The following SKAP2 variants were observed in gnomAD, a reference collection of about 807,000 sequenced individuals.
SKAP2 encodes src kinase-associated phosphoprotein 2.
A neutral mutation model predicts 54.9 loss-of-function variants in SKAP2; 28 were observed. That is an observed-to-expected ratio of 0.51 (90% CI 0.38 to 0.70). The LOEUF is 0.70. SKAP2 is among the 30% of genes least tolerant of loss of function. The pLI is 0.00. For synonymous variants in SKAP2, 137 were observed against 134.3 expected (o/e 1.02, Z -0.14); for missense variants, 356 against 424.1 (o/e 0.84, Z 1.41).
the SKAP2 span, among the ~76,000 whole-genome samples, chr7:26,660,961 G>A: frequency 6.6e-6 from 1 of 151,834 alleles, no homozygotes; most frequent in African/African-American, 2.4e-5. Flanking sequence ...TGCTAGACTA[G>A]AAAATGGAAT....
chr7:26,656,557 T>C, the SKAP2 span, among the ~76,000 whole-genome samples: 1 of 152,238 alleles, frequency 6.6e-6, no homozygotes, highest in Non-Finnish European at 1.5e-5. Flanking sequence ...GTTATACAGA[T>C]GTGCAGATCA....
chr7:26,785,895 A>G lies in SKAP2; in HGVS notation c.308-45931T>C, dbSNP rs530449987. Among the ~76,000 whole-genome samples the G allele has an allele frequency of 2.6e-5, 4 of 152,336 alleles. No homozygotes were observed. The East Asian group carries it at 7.7e-4, about 29-fold the overall frequency. On this transcript the variant is annotated intron_variant, in intron 4 of 12. Coordinates refer to ENST00000345317, the MANE Select transcript of SKAP2 (RefSeq NM_003930.5). ...ATCTACCATAAGACAGAGCCATTGA[A>G]GAGGCCCATACAGGCCCTGGGAGCA...
At chr7:26,849,553 T>C (rs1784995703) in intron 3 of SKAP2, among the ~76,000 whole-genome samples, 1 of 151,716 alleles carries the variant, frequency 6.6e-6, no homozygotes, top group Non-Finnish European at 1.5e-5. Flanking sequence ...GGCGTGGTGG[T>C]GGATGCCTGT....
chr7:26,849,378 T>C (rs1204652097), intron 3 of SKAP2, among the ~76,000 whole-genome samples: 1 of 152,086 alleles, frequency 6.6e-6, no homozygotes, highest in African/African-American at 2.4e-5. Flanking sequence ...AAGCAGTATA[T>C]TCCCCTTTTT....
intron 11 of SKAP2, among the ~76,000 whole-genome samples, chr7:26,678,005 T>C (rs1234216957): frequency 6.6e-6 from 1 of 152,150 alleles, no homozygotes; most frequent in Non-Finnish European, 1.5e-5. Context: ...CGTAGCAAAG[T>C]AGAAAGAGAA....
At chr7:26,698,689 T>TATACATGGAACACCATTTTTAC (rs1288007694) in intron 9 of SKAP2, among the ~76,000 whole-genome samples, 1 of 152,230 alleles carries the variant, frequency 6.6e-6, no homozygotes, top group Non-Finnish European at 1.5e-5. Flanking sequence ...GCCATTTTTT[T>TATACATGGAACACCATTTTTAC]ATTCATGGAA....
chr7:26,706,874 T>G (rs757960761), intron 9 of SKAP2, among the ~76,000 whole-genome samples: 6 of 152,236 alleles, frequency 3.9e-5, no homozygotes, highest in Non-Finnish European at 7.3e-5. Flanking sequence ...TCTTAGCTTA[T>G]AAAACCAAAG....
At position 26,667,209 on chromosome 7, in the gene SKAP2, C is replaced by A. The variant is rs898026068; in HGVS notation, c.*2457G>T. 1 of 151,964 alleles carries A rather than the reference C, an allele frequency of 6.6e-6. No individual in the cohort carries two copies. The highest frequency in any genetic ancestry group is 1.5e-5 in the Non-Finnish European group (1 of 67,968). 9.4% of individuals were successfully genotyped at this position (151,964 alleles called of 1,614,324 possible). ...CTATATAAAATATGACTTACAATCA[C>A]CTTTGAAAAAAATTAGCTCTCTAAC... On this transcript the variant is annotated 3_prime_UTR_variant, in exon 13 of 13. Coordinates refer to ENST00000345317, the MANE Select transcript of SKAP2 (RefSeq NM_003930.5).
intron 4 of SKAP2, among the ~76,000 whole-genome samples, chr7:26,771,803 A>T (rs1783195801): frequency 6.6e-6 from 1 of 152,202 alleles, no homozygotes; most frequent in African/African-American, 2.4e-5. Context: ...GTAAAAGCTG[A>T]TGCACTTTTA....
At chr7:26,776,209 C>T (rs1168932755) in intron 4 of SKAP2, among the ~76,000 whole-genome samples, 2 of 152,042 alleles carry the variant, frequency 1.3e-5, no homozygotes, top group African/African-American at 2.4e-5. Context: ...CCCTTATCCC[C>T]GTCCTTAATG....
At chr7:26,763,252 A>C (rs767336605) in intron 4 of SKAP2, among the ~76,000 whole-genome samples, 5 of 152,188 alleles carry the variant, frequency 3.3e-5, no homozygotes, top group Non-Finnish European at 7.3e-5. Context: ...TTTACAAAGG[A>C]AAATAAGTGC....
At chr7:26,722,815 G>A (rs1224570152) in intron 9 of SKAP2, among the ~76,000 whole-genome samples, 1 of 152,068 alleles carries the variant, frequency 6.6e-6, no homozygotes, top group African/African-American at 2.4e-5. Context: ...AAGAGCTTTC[G>A]TTTCTCAGAA....
At position 26,775,056 on chromosome 7, in the gene SKAP2, C is replaced by A. The variant is rs75395261; in HGVS notation, c.308-35092G>T. ...AAATTAATCTGCAATTATTAGGGTC[C>A]TTTTTTGTGAATCTTAAGAGATTTA... On this transcript the variant is annotated intron_variant, in intron 4 of 12. Coordinates refer to ENST00000345317, the MANE Select transcript of SKAP2 (RefSeq NM_003930.5). Among the ~76,000 whole-genome samples, 263 of 152,268 alleles carry A rather than the reference C, an allele frequency of 1.7e-3. 2 individuals carry two copies. The highest frequency in any genetic ancestry group is 4.4e-3 in the Admixed American group (68 of 15,290).
chr7:26,684,866 A>G lies in SKAP2; in HGVS notation c.875-18T>C, dbSNP rs1246121637. 2.0e-6 allele frequency: 3 copies of G among 1,492,210 alleles called. No individual in the cohort carries two copies. The highest frequency in any genetic ancestry group is 2.8e-5 in the African/African-American group (2 of 72,176). 92.4% of individuals were successfully genotyped at this position (1,492,210 alleles called of 1,614,324 possible). ...CTTATCCCCTAGGAAGAAGAAAGAG[A>G]AAGCATGAATTAGGGCCTTCATGTA... On this transcript the variant is annotated intron_variant, in intron 10 of 12. Coordinates refer to ENST00000345317, the MANE Select transcript of SKAP2 (RefSeq NM_003930.5).
chr7:26,674,912 C>G (rs1456449207), intron 11 of SKAP2, among the ~76,000 whole-genome samples: 1 of 152,100 alleles, frequency 6.6e-6, no homozygotes, highest in East Asian at 1.9e-4. Flanking sequence ...AGAGTAAAAC[C>G]TGACATTCAG....
chr7:26,690,180 A>G (rs1461170991), intron 10 of SKAP2, 105 bp downstream of exon 10: 9 of 830,120 alleles, frequency 1.1e-5, no homozygotes, highest in East Asian at 2.5e-5. Context: ...AAAAATGCCA[A>G]CTTTGGGGAG....
chr7:26,779,016 A>G (rs904819287), intron 4 of SKAP2, among the ~76,000 whole-genome samples: 1 of 152,030 alleles, frequency 6.6e-6, no homozygotes, highest in Admixed American at 6.6e-5. Flanking sequence ...TAAGCCCACT[A>G]GTTGAAATGA....
intron 3 of SKAP2, among the ~76,000 whole-genome samples, chr7:26,851,135 G>A (rs939733339): frequency 4.6e-5 from 7 of 151,452 alleles, no homozygotes; most frequent in African/African-American, 1.5e-4. Flanking sequence ...TTTAGGAATT[G>A]ACAGCCAGGC....
At chr7:26,823,436 A>C (rs1460037009) in intron 4 of SKAP2, among the ~76,000 whole-genome samples, 1 of 151,338 alleles carries the variant, frequency 6.6e-6, no homozygotes, top group African/African-American at 2.4e-5. Context: ...AAAAAAAAAA[A>C]AAAAAAAAAC....
Sources: allele counts gnomAD v4.1 joint callset (sites outside exome capture counted in the v4.1 genomes callset), GRCh38; gene constraint gnomAD v4.1.1; transcripts MANE v1.5; gene names NCBI Gene and HGNC (gene_info 2026-07-23, HGNC 2026-07-21).